The following SATB2 variants were observed in gnomAD, a reference collection of about 807,000 sequenced individuals.
SATB2 encodes DNA-binding protein SATB2.
In SATB2, 1 loss-of-function variant was observed where a neutral mutation model predicts 73.4. The observed-to-expected ratio is 0.01, with a 90% CI of 0.00 to 0.06. The LOEUF is 0.06. Among genes scored for constraint, SATB2 ranks in the 10% least tolerant of loss-of-function variants. SATB2 has a pLI of 1.00. For missense variants in SATB2, 459 were observed against 945.8 expected (o/e 0.49, Z 6.75); for synonymous variants, 397 against 367.0 (o/e 1.08, Z -0.93).
intron 3 of SATB2, among the ~76,000 whole-genome samples, chr2:199,424,602 A>G (rs1691273437): frequency 6.6e-6 from 1 of 152,228 alleles, no homozygotes; most frequent in African/African-American, 2.4e-5. Flanking sequence ...AATGTAAAAT[A>G]TATACTAACA....
chr2:199,291,399 T>C (rs1174942452), intron 10 of SATB2, among the ~76,000 whole-genome samples: 2 of 152,222 alleles, frequency 1.3e-5, no homozygotes, highest in Non-Finnish European at 2.9e-5. Context: ...TAATGGAAGT[T>C]AAGAAACTCT....
chr2:199,273,264 A>G (rs576566706), intron 10 of SATB2, among the ~76,000 whole-genome samples: 41 of 152,338 alleles, frequency 2.7e-4, no homozygotes, highest in African/African-American at 9.4e-4. Context: ...GCAAGATAGT[A>G]AATATTTGAG....
intron 9 of SATB2, among the ~76,000 whole-genome samples, chr2:199,312,287 G>A (rs1158000382): frequency 6.6e-6 from 1 of 152,138 alleles, no homozygotes; most frequent in African/African-American, 2.4e-5. Context: ...TTCCAGCCTT[G>A]GACAGCTCTG....
intron 10 of SATB2, among the ~76,000 whole-genome samples, chr2:199,294,804 C>A (rs922052354): frequency 1.3e-5 from 2 of 152,192 alleles, no homozygotes; most frequent in African/African-American, 4.8e-5. Context: ...TCATTTTGAT[C>A]ATAACAGAAA....
chr2:199,379,255 A>G (rs1689693170), intron 5 of SATB2, among the ~76,000 whole-genome samples: 1 of 151,982 alleles, frequency 6.6e-6, no homozygotes, highest in South Asian at 2.1e-4. Flanking sequence ...TCTCAATCTC[A>G]TTTTCATGGT....
intron 2 of SATB2, among the ~76,000 whole-genome samples, chr2:199,440,843 T>C (rs568854925): frequency 8.4e-6 from 1 of 118,906 alleles, no homozygotes; most frequent in African/African-American, 3.3e-5. Context: ...AAACTCTGCA[T>C]CATAATTACT....
Position 199,455,894 on chromosome 2 carries a change from G to A in SATB2, c.144C>T (p.Asn48=). The A allele has an allele frequency of 2.6e-6, 4 of 1,537,996 alleles. No individual in the cohort carries two copies. The highest frequency in any genetic ancestry group is 1.4e-5 in the African/African-American group (1 of 73,188). Residue 48 remains asparagine, a synonymous_variant, in exon 2 of 11, where the codon AAC becomes AAT. Coordinates refer to ENST00000417098, the MANE Select transcript of SATB2 (RefSeq NM_001172509.2). This position sits in a 1 kb window ranked among gnomAD's most constrained non-coding sequence, Gnocchi z 4.1. ...GSPMGARGRP[N]GAVAKAVGGL... The stretch of plus-strand genomic sequence containing the variant: ...CTCCCACGGCCTTGGCCACGGCGCC[G>A]TTGGGCCTCCCGCGGGCTCCCATGG...
At chr2:199,357,992 T>G (rs1689035800) in intron 6 of SATB2, among the ~76,000 whole-genome samples, 1 of 152,174 alleles carries the variant, frequency 6.6e-6, no homozygotes, top group Non-Finnish European at 1.5e-5. Context: ...TTGAACTATA[T>G]GAAATTGGCG....
intron 10 of SATB2, among the ~76,000 whole-genome samples, chr2:199,283,166 C>A (rs1171951627): frequency 6.6e-6 from 1 of 151,098 alleles, no homozygotes; most frequent in East Asian, 2.0e-4. Flanking sequence ...TCACTGCAAG[C>A]TCCGCCTCCT....
chr2:199,417,060 A>T (rs141092561), intron 3 of SATB2, among the ~76,000 whole-genome samples: 5 of 130,276 alleles, frequency 3.8e-5, no homozygotes, highest in Non-Finnish European at 5.5e-5. Flanking sequence ...ACACACACAC[A>T]CACACACACA....
intron 10 of SATB2, among the ~76,000 whole-genome samples, chr2:199,288,394 T>C (rs1692747845): frequency 6.6e-6 from 1 of 152,166 alleles, no homozygotes; most frequent in Non-Finnish European, 1.5e-5. Context: ...AGACAGGGCT[T>C]CAATTATTTA....
At position 199,353,148 on chromosome 2, in the gene SATB2, C is replaced by CTTTTTTTTTTTTTT. The variant is rs11369554; in HGVS notation, c.701-3989_701-3976dup. On this transcript the variant is annotated intron_variant, in intron 6 of 10. Coordinates refer to ENST00000417098, the MANE Select transcript of SATB2 (RefSeq NM_001172509.2). ...AGAAACCATTTACACACGTTTTTGTCTTTTTTTTTTTTTTTTTTTTTTTTG... is the reference window on the plus strand; with the variant it reads ...AGAAACCATTTACACACGTTTTTGTCTTTTTTTTTTTTTTTTTTTTTTTTTTTTTTTTTTTTTTG... 2.3e-5 allele frequency among the ~76,000 whole-genome samples: 2 copies of CTTTTTTTTTTTTTT among 88,014 alleles called. 1 individual carries two copies. The highest frequency in any genetic ancestry group is 4.0e-5 in the Non-Finnish European group (2 of 50,430). 57.7% of individuals were successfully genotyped at this position (88,014 alleles called of 152,430 possible). A position where few individuals can be genotyped will look rare whatever the true frequency, so the allele number is the denominator to read the frequency against.
chr2:199,437,846 G>A (rs567566217), intron 2 of SATB2, among the ~76,000 whole-genome samples: 10 of 151,918 alleles, frequency 6.6e-5, no homozygotes, highest in African/African-American at 1.7e-4. Flanking sequence ...CAATGTTCAC[G>A]ATACTAAAAG....
Position 199,464,866 on chromosome 2 carries a change from G to C in SATB2, c.-171C>G, listed in dbSNP as rs900168034. On this transcript the variant is annotated 5_prime_UTR_variant, in exon 1 of 12. Coordinates refer to the SATB2 transcript ENST00000260926. This position sits in a 1 kb window ranked among gnomAD's most constrained non-coding sequence, Gnocchi z 6.6. Reference sequence around the variant, plus strand: ...CTCGCTGCGCCCGCCTTCGCCCCAAGTGCCCAGGACGGAGCGAGGGGCTGT... The same window carrying C: ...CTCGCTGCGCCCGCCTTCGCCCCAACTGCCCAGGACGGAGCGAGGGGCTGT... 1 of 152,372 alleles carries C rather than the reference G, an allele frequency of 6.6e-6. No homozygotes were observed. The highest frequency in any genetic ancestry group is 1.5e-5 in the Non-Finnish European group (1 of 68,180). 9.4% of individuals were successfully genotyped at this position (152,372 alleles called of 1,614,324 possible). A position where few individuals can be genotyped will look rare whatever the true frequency, so the allele number is the denominator to read the frequency against.
At chr2:199,340,416 T>A (rs1688469486) in intron 7 of SATB2, among the ~76,000 whole-genome samples, 1 of 152,186 alleles carries the variant, frequency 6.6e-6, no homozygotes, top group Non-Finnish European at 1.5e-5. Flanking sequence ...ACTTTTTCAA[T>A]GAACTGAAGG....
chr2:199,363,936 T>C (rs544957181), intron 6 of SATB2, among the ~76,000 whole-genome samples: 1 of 152,312 alleles, frequency 6.6e-6, no homozygotes, highest in Non-Finnish European at 1.5e-5. Context: ...GAAAGCAAAT[T>C]TCTCTCATGA....
chr2:199,340,888 G>A (rs908810442), intron 7 of SATB2, among the ~76,000 whole-genome samples: 1 of 152,124 alleles, frequency 6.6e-6, no homozygotes, highest in East Asian at 1.9e-4. Context: ...AGGTCTCAGA[G>A]GAGAAACAAT....
rs1378584453 is a variant in SATB2, at chr2:199,386,747, CA to C, written c.347-4928del. Among the ~76,000 whole-genome samples, 452 of 148,856 alleles carry C rather than the reference CA, an allele frequency of 3.0e-3. 1 individual carries two copies. Among genetic ancestry groups the C allele is most frequent in the Non-Finnish European group, 5.5e-3 (370 of 67,748 alleles). ...ACACACACACACACACACACACACA[CA>C]CACACACACACACACACACCTTTGA... On this transcript the variant is annotated intron_variant, in intron 3 of 10. Coordinates refer to ENST00000417098, the MANE Select transcript of SATB2 (RefSeq NM_001172509.2).
upstream of SATB2, chr2:199,460,010 A>T (rs1260477360): frequency 6.6e-6 from 1 of 152,138 alleles, no homozygotes; most frequent in Admixed American, 6.5e-5. The surrounding 1 kb of genome is among the most constrained non-coding windows in gnomAD (Gnocchi z 4.0). Flanking sequence ...CCAAGTTCCA[A>T]AGAAGTCCGA....
Sources: allele counts gnomAD v4.1 joint callset (sites outside exome capture counted in the v4.1 genomes callset), GRCh38; gene constraint gnomAD v4.1.1; non-coding constraint Gnocchi (gnomAD v3.1); transcripts MANE v1.5; gene names NCBI Gene and HGNC (gene_info 2026-07-23, HGNC 2026-07-21).